The following CDH12 variants were observed in gnomAD, a reference collection of about 807,000 sequenced individuals.
CDH12 encodes cadherin 12, also known as cadherin-12.
A neutral mutation model predicts 74.1 loss-of-function variants in CDH12; 41 were observed. The observed-to-expected ratio is 0.55, with a 90% CI of 0.43 to 0.72. The LOEUF is 0.72. CDH12 is among the 30% of genes least tolerant of loss of function. The probability of loss-of-function intolerance (pLI) is 0.00; values close to 1 mark genes in which losing one functional copy is unlikely to be tolerated. For synonymous variants in CDH12, 399 were observed against 355.0 expected (o/e 1.12, Z -1.39); for missense variants, 945 against 977.2 (o/e 0.97, Z 0.44).
chr5:22,402,729 C>A (rs1561376620), intron 3 of CDH12, among the ~76,000 whole-genome samples: 1 of 152,062 alleles, frequency 6.6e-6, no homozygotes, highest in Non-Finnish European at 1.5e-5. Context: ...AAGAGAGGGT[C>A]AAAGGTATGG....
At chr5:22,273,723 T>C (rs1736505295) in intron 3 of CDH12, among the ~76,000 whole-genome samples, 1 of 152,154 alleles carries the variant, frequency 6.6e-6, no homozygotes, top group Non-Finnish European at 1.5e-5. Context: ...TTTGCTTTGA[T>C]TTTGGTGGGA....
intron 6 of CDH12, among the ~76,000 whole-genome samples, chr5:21,966,671 TC>T (rs1455915214): frequency 6.6e-6 from 1 of 152,100 alleles, no homozygotes; most frequent in Non-Finnish European, 1.5e-5. Context: ...AACACTTGGC[TC>T]CCATAGAAAT....
chr5:22,273,087 C>A (rs1397449993), intron 3 of CDH12, among the ~76,000 whole-genome samples: 1 of 152,140 alleles, frequency 6.6e-6, no homozygotes, highest in Non-Finnish European at 1.5e-5. Flanking sequence ...CACGAGGTCC[C>A]TCCCCCAACA....
intron 5 of CDH12, among the ~76,000 whole-genome samples, chr5:22,047,770 C>A (rs1227971302): frequency 2.0e-5 from 3 of 152,102 alleles, no homozygotes; most frequent in African/African-American, 7.2e-5. Context: ...CATTTCAAAC[C>A]CAACATACCT....
intron 1 of CDH12, among the ~76,000 whole-genome samples, chr5:22,621,415 G>T (rs1277883709): frequency 6.6e-6 from 1 of 152,090 alleles, no homozygotes; most frequent in African/African-American, 2.4e-5. Flanking sequence ...ACTTATAAAT[G>T]CCTTATACTA....
intron 5 of CDH12, among the ~76,000 whole-genome samples, chr5:22,057,326 A>G (rs973702668): frequency 5.5e-4 from 84 of 152,148 alleles, no homozygotes; most frequent in African/African-American, 2.0e-3. Context: ...GAAAACATTT[A>G]TATTTTCCTT....
intron 5 of CDH12, among the ~76,000 whole-genome samples, chr5:21,985,142 G>A (rs958180696): frequency 6.6e-6 from 1 of 152,012 alleles, no homozygotes; most frequent in Non-Finnish European, 1.5e-5. Flanking sequence ...TAATATAGAT[G>A]GATCACATAT....
intron 4 of CDH12, among the ~76,000 whole-genome samples, chr5:22,179,172 T>A (rs1208358557): frequency 1.3e-5 from 2 of 152,216 alleles, no homozygotes; most frequent in African/African-American, 2.4e-5. Flanking sequence ...TTCAAACTTA[T>A]GCATTCTTCC....
intron 3 of CDH12, among the ~76,000 whole-genome samples, chr5:22,363,877 C>G (rs1289172619): frequency 6.6e-6 from 1 of 152,168 alleles, no homozygotes; most frequent in African/African-American, 2.4e-5. Flanking sequence ...TAAACTAGAC[C>G]AAAGGAACAG....
intron 2 of CDH12, among the ~76,000 whole-genome samples, chr5:22,425,761 A>G (rs1743905016): frequency 6.6e-6 from 1 of 152,146 alleles, no homozygotes; most frequent in Admixed American, 6.6e-5. Flanking sequence ...TAAAGGTAAG[A>G]ATATTCTCAT....
chr5:21,882,971 C>T, intron 6 of CDH12: 2 of 1,598,396 alleles, frequency 1.3e-6, no homozygotes, highest in South Asian at 1.1e-5. Context: ...CCAAGGAAGG[C>T]TTCCAGAAGA....
rs189777794 is a variant in CDH12, at chr5:21,753,298, G to T, written c.1886-1062C>A. 3.4e-3 allele frequency among the ~76,000 whole-genome samples: 524 copies of T among 152,308 alleles called. 16 individuals carry two copies. Among genetic ancestry groups the T allele is most frequent in the Admixed American group, 0.032 (485 of 15,294 alleles). On this transcript the variant is annotated intron_variant, in intron 14 of 14. Transcript: ENST00000382254. The stretch of plus-strand genomic sequence containing the variant: ...ATTAGAGATGGACCAGTTGGAAGGA[G>T]AGAGGAGATCTAGGTAGAGTTTCTG...
chr5:22,153,929 A>ACACACACAC (rs1747821247), intron 4 of CDH12, among the ~76,000 whole-genome samples: 1 of 129,132 alleles, frequency 7.7e-6, no homozygotes, highest in Non-Finnish European at 1.7e-5. Context: ...CACACACACA[A>ACACACACAC]ACATATATAT....
At chr5:22,217,488 TAAAAG>T (rs1265812045) in intron 3 of CDH12, among the ~76,000 whole-genome samples, 1 of 151,656 alleles carries the variant, frequency 6.6e-6, no homozygotes, top group Non-Finnish European at 1.5e-5. Flanking sequence ...AGTGCATAAT[TAAAAG>T]AAAAGAAATG....
chr5:22,737,699 A>G (rs1329688700), intron 1 of CDH12, among the ~76,000 whole-genome samples: 6 of 152,080 alleles, frequency 3.9e-5, no homozygotes, highest in Non-Finnish European at 8.8e-5. Flanking sequence ...TTTAACAAAT[A>G]TGATGTGAAA....
intron 10 of CDH12, among the ~76,000 whole-genome samples, chr5:21,785,596 T>C (rs1241623748): frequency 1.3e-5 from 2 of 152,190 alleles, no homozygotes; most frequent in Non-Finnish European, 2.9e-5. Context: ...TTTAGCGGTC[T>C]GGATAGAAGA....
At chr5:22,115,250 G>A (rs939978430) in intron 4 of CDH12, among the ~76,000 whole-genome samples, 6 of 152,216 alleles carry the variant, frequency 3.9e-5, no homozygotes, top group South Asian at 4.1e-4. Context: ...AAAAGACTAC[G>A]TTGTCTATTT....
intron 11 of CDH12, among the ~76,000 whole-genome samples, chr5:21,776,490 G>A (rs567425694): frequency 6.6e-6 from 1 of 152,144 alleles, no homozygotes; most frequent in Admixed American, 6.5e-5. Flanking sequence ...GAATAGCAGT[G>A]TAGTACCTGA....
At chr5:21,951,997 A>G (rs1436792799) in intron 6 of CDH12, among the ~76,000 whole-genome samples, 1 of 152,192 alleles carries the variant, frequency 6.6e-6, no homozygotes, top group East Asian at 1.9e-4. Flanking sequence ...AGGAGTAGCT[A>G]GGTAGCAGCA....
Sources: gnomAD v4.1 joint callset for allele counts (sites outside exome capture counted in the v4.1 genomes callset) on GRCh38, gnomAD v4.1.1 for gene constraint, MANE v1.5 for transcripts, NCBI Gene and HGNC (gene_info 2026-07-23, HGNC 2026-07-21) for gene names.